WDPCP: variants seen among roughly 807,000 people sequenced by gnomAD.
The protein encoded by WDPCP is WD repeat-containing and planar cell polarity effector protein fritz homolog.
Under a neutral mutation model 93.1 loss-of-function variants are expected in WDPCP, and 71 were observed. The observed-to-expected ratio is 0.76, with a 90% CI of 0.63 to 0.93. WDPCP has a LOEUF of 0.93. WDPCP is among the 40% of genes least tolerant of loss of function. WDPCP has a pLI of 0.00. For synonymous variants in WDPCP, 315 were observed against 315.0 expected, an observed-to-expected ratio of 1.00 and a Z score of 0.00; for missense variants, 844 against 887.4, an observed-to-expected ratio of 0.95 and a Z score of 0.62.
At chr2:63,391,653 T>A (rs2105024705) in intron 10 of WDPCP, among the ~76,000 whole-genome samples, 1 of 152,176 alleles carries the variant, frequency 6.6e-6, no homozygotes, top group South Asian at 2.1e-4. Context: ...TCATCTCAGC[T>A]CAAAATCTTC....
At chr2:63,798,645 G>A (rs1174199917) in intron 2 of WDPCP, among the ~76,000 whole-genome samples, 2 of 151,816 alleles carry the variant, frequency 1.3e-5, no homozygotes, top group East Asian at 3.9e-4. Context: ...AGGAAGACAG[G>A]AAGGAAAGAA....
chr2:63,681,801 T>C (rs1391952943), intron 2 of WDPCP, among the ~76,000 whole-genome samples: 1 of 152,212 alleles, frequency 6.6e-6, no homozygotes, highest in Non-Finnish European at 1.5e-5. Flanking sequence ...GTGGTGCTTG[T>C]ATCACTGCAC....
At chr2:63,750,999 GA>G (rs1300515636) in intron 2 of WDPCP, among the ~76,000 whole-genome samples, 8 of 152,236 alleles carry the variant, frequency 5.3e-5, no homozygotes, top group African/African-American at 1.9e-4. Flanking sequence ...GAACAAGCAG[GA>G]AAGTGTTCCC....
chr2:63,562,549 A>G (rs892769809), intron 1 of WDPCP, among the ~76,000 whole-genome samples: 3 of 152,150 alleles, frequency 2.0e-5, no homozygotes, highest in African/African-American at 7.2e-5. Flanking sequence ...AAAAATAAAA[A>G]ATTTCCAACA....
At chr2:63,191,161 G>A (rs923616208) in intron 14 of WDPCP, among the ~76,000 whole-genome samples, 1 of 152,196 alleles carries the variant, frequency 6.6e-6, no homozygotes, top group African/African-American at 2.4e-5. Flanking sequence ...GGGAGGCTGA[G>A]GCAGGCGGAT....
chr2:63,779,217 G>C (rs1263392082), intron 2 of WDPCP, among the ~76,000 whole-genome samples: 1 of 152,140 alleles, frequency 6.6e-6, no homozygotes, highest in Non-Finnish European at 1.5e-5. Flanking sequence ...GGATAAACAA[G>C]CATCCTCTCA....
chr2:63,478,407 G>A (rs1347958280), intron 6 of WDPCP, among the ~76,000 whole-genome samples: 1 of 152,076 alleles, frequency 6.6e-6, no homozygotes, highest in African/African-American at 2.4e-5. Context: ...ATCAGCATAT[G>A]GAACTTTCTC....
At chr2:63,392,339 A>G (rs1316619630) in intron 10 of WDPCP, among the ~76,000 whole-genome samples, 5 of 152,246 alleles carry the variant, frequency 3.3e-5, no homozygotes, top group African/African-American at 9.6e-5. Context: ...CCATAGGTAG[A>G]AAACTGAAAC....
chr2:63,139,124 CAT>C (rs201415985), intron 17 of WDPCP, among the ~76,000 whole-genome samples: 2,127 of 151,642 alleles, frequency 0.014, 27 homozygotes, highest in Non-Finnish European at 0.022. Flanking sequence ...CATATATACA[CAT>C]ATATACATGT....
At chr2:63,795,565 G>GAA (rs1670602963) in intron 2 of WDPCP, among the ~76,000 whole-genome samples, 3 of 150,322 alleles carry the variant, frequency 2.0e-5, no homozygotes, top group African/African-American at 7.4e-5. Flanking sequence ...AAGAAAGAAA[G>GAA]AAAGAAAGAC....
At chr2:63,380,151 CTTT>C (rs1186579515) in intron 11 of WDPCP, among the ~76,000 whole-genome samples, 2 of 151,958 alleles carry the variant, frequency 1.3e-5, no homozygotes, top group Non-Finnish European at 2.9e-5. Context: ...CATATTTCTT[CTTT>C]AACTGTAAAT....
At chr2:63,359,751 A>T (rs1690295933) in intron 12 of WDPCP, 1 of 152,226 alleles carries the variant, frequency 6.6e-6, no homozygotes. Context: ...CACAACCAAA[A>T]TACCCCCTGA....
At chr2:63,232,827 CTTTG>C (rs1574943263) in intron 14 of WDPCP, 1 of 158,946 alleles carries the variant, frequency 6.3e-6, no homozygotes, top group Non-Finnish European at 1.4e-5. Flanking sequence ...CCTGCATGCT[CTTTG>C]TTTATTTCAG....
intron 13 of WDPCP, among the ~76,000 whole-genome samples, chr2:63,306,178 A>G (rs1164298694): frequency 6.6e-6 from 1 of 152,222 alleles, no homozygotes; most frequent in Non-Finnish European, 1.5e-5. Context: ...CACCCTCCCA[A>G]GACTAAACCA....
intron 11 of WDPCP, among the ~76,000 whole-genome samples, chr2:63,380,294 T>A (rs1174540160): frequency 6.6e-6 from 1 of 152,084 alleles, no homozygotes; most frequent in Non-Finnish European, 1.5e-5. Context: ...TAAGAAATAA[T>A]TAGTTAAGAT....
At chr2:63,802,723 T>C (rs1441037589) in intron 2 of WDPCP, among the ~76,000 whole-genome samples, 1 of 152,168 alleles carries the variant, frequency 6.6e-6, no homozygotes, top group East Asian at 1.9e-4. Flanking sequence ...TGTTAGTCTA[T>C]ATAGTACAGC....
chr2:63,360,764 T>TC (rs1400663093), intron 12 of WDPCP, among the ~76,000 whole-genome samples: 1 of 152,196 alleles, frequency 6.6e-6, no homozygotes, highest in Non-Finnish European at 1.5e-5. Context: ...GTGGTCCAAA[T>TC]CCCATCTTTT....
intron 3 of WDPCP, among the ~76,000 whole-genome samples, chr2:63,625,446 C>G (rs113752161): frequency 3.3e-5 from 5 of 152,282 alleles, no homozygotes; most frequent in African/African-American, 1.2e-4. Context: ...CTGAGCCCAA[C>G]GTCTCCTTAA....
intron 9 of WDPCP, among the ~76,000 whole-genome samples, chr2:63,432,176 C>A (rs1056316934): frequency 1.3e-5 from 2 of 152,050 alleles, no homozygotes; most frequent in Non-Finnish European, 2.9e-5. Flanking sequence ...TTCCACAGAG[C>A]TAATAATATC....
Sources: gnomAD v4.1 joint callset for allele counts (sites outside exome capture counted in the v4.1 genomes callset) on GRCh38, gnomAD v4.1.1 for gene constraint, MANE v1.5 for transcripts, NCBI Gene and HGNC (gene_info 2026-07-23, HGNC 2026-07-21) for gene names.